Variants in DZIP3 observed in about 807,000 individuals in gnomAD.
DZIP3 encodes E3 ubiquitin-protein ligase DZIP3.
Under a neutral mutation model 162.0 loss-of-function variants are expected in DZIP3, and 118 were observed. That is an observed-to-expected ratio of 0.73 (90% CI 0.63 to 0.85). DZIP3 has a LOEUF of 0.85. Among genes scored for constraint, DZIP3 ranks in the 40% least tolerant of loss-of-function variants. The pLI is 0.00. For synonymous variants in DZIP3, 438 were observed against 458.6 expected, an observed-to-expected ratio of 0.96 and a Z score of 0.57; for missense variants, 1,331 against 1,407.0, an observed-to-expected ratio of 0.95 and a Z score of 0.86.
chr3:108,654,104 T>C (rs764675806), intron 18 of DZIP3, 41 bp from the exon 19 acceptor site: 1 of 1,595,766 alleles, frequency 6.3e-7, no homozygotes, highest in Non-Finnish European at 8.5e-7. Context: ...AAAATTACTA[T>C]ACAATTGTAA....
At chr3:108,660,646 A>G (rs1943377661) in intron 19 of DZIP3, among the ~76,000 whole-genome samples, 1 of 152,190 alleles carries the variant, frequency 6.6e-6, no homozygotes, top group African/African-American at 2.4e-5. Flanking sequence ...ATGGGATCTA[A>G]TTAAACTAAA....
At chr3:108,631,615 A>G in intron 8 of DZIP3, among the ~76,000 whole-genome samples, 1 of 129,628 alleles carries the variant, frequency 7.7e-6, no homozygotes, top group East Asian at 2.2e-4. Context: ...TAGTAAAGAC[A>G]GTCTCAGTAT....
chr3:108,672,582 CAT>C lies in DZIP3; in HGVS notation c.2517_2518del (p.His839GlnfsTer18). Reference sequence around the variant, plus strand: ...CAGATCTCAGTGGGAAATGGAAAAACATAATCTGGAAAGCACAATGAAAACAT... The same window carrying C: ...CAGATCTCAGTGGGAAATGGAAAAACAATCTGGAAAGCACAATGAAAACAT... ...MKRSQWEMEK[H>X]NLESTMKTYV... On this transcript the variant is annotated frameshift_variant, in exon 23 of 33. Transcript: ENST00000361582. LOFTEE classifies it high-confidence loss of function. The C allele has an allele frequency of 1.2e-6, 2 of 1,611,304 alleles. No individual in the cohort carries two copies. Among genetic ancestry groups the C allele is most frequent in the East Asian group, 2.2e-5 (1 of 44,802 alleles).
chr3:108,624,543 G>T lies in DZIP3; in HGVS notation c.456+19G>T, dbSNP rs746340279. 2.9e-6 allele frequency: 4 copies of T among 1,402,010 alleles called. No homozygotes were observed. The highest frequency in any genetic ancestry group is 1.5e-5 in the African/African-American group (1 of 68,582). 86.8% of individuals were successfully genotyped at this position (1,402,010 alleles called of 1,614,324 possible). ...GAAAGAGGTATGTAACATGTTATTT[G>T]CCCTTTATAAATCTTTTTACATCTT... On this transcript the variant is annotated intron_variant, in intron 6 of 32. Transcript: ENST00000361582.
intron 3 of DZIP3, among the ~76,000 whole-genome samples, chr3:108,610,579 T>C (rs1940648765): frequency 6.6e-6 from 1 of 152,212 alleles, no homozygotes. Flanking sequence ...CATAATCATA[T>C]TCCTAGAATT....
At chr3:108,668,971 G>A (rs540036605) in intron 21 of DZIP3, among the ~76,000 whole-genome samples, 8 of 152,070 alleles carry the variant, frequency 5.3e-5, no homozygotes, top group Admixed American at 4.6e-4. Context: ...AAGCTTGCTT[G>A]TGAAAAGAAA....
At chr3:108,689,974 C>T (rs1016190934) in intron 31 of DZIP3, among the ~76,000 whole-genome samples, 3 of 152,144 alleles carry the variant, frequency 2.0e-5, no homozygotes, top group Non-Finnish European at 4.4e-5. Context: ...TGTATTTGCT[C>T]TAATATGAAG....
At position 108,635,112 on chromosome 3, in the gene DZIP3, CCTT is replaced by C. The variant is rs879110248; in HGVS notation, c.918+144_918+146del. ...TCCTTTTTTTCTTTTTCTTTTACTT[CCTT>C]CTTTGTTCTTTCCCAATTCTCTCTG... On this transcript the variant is annotated intron_variant, in intron 10 of 32. Coordinates refer to ENST00000361582, the MANE Select transcript of DZIP3 (RefSeq NM_014648.4). The C allele has an allele frequency of 4.7e-5, 25 of 527,406 alleles. 1 individual carries two copies. In the South Asian group the frequency reaches 7.0e-4, roughly 15 times the overall value. The allele number at this position is 527,406 out of a possible 1,614,324, so 32.7% of individuals were successfully genotyped here. A position where few individuals can be genotyped will look rare whatever the true frequency, so the allele number is the denominator to read the frequency against.
At chr3:108,654,048 T>G in intron 18 of DZIP3, 97 bp from the exon 19 acceptor site, 1 of 1,315,312 alleles carries the variant, frequency 7.6e-7, no homozygotes, top group Non-Finnish European at 1.0e-6. Flanking sequence ...GCTGAGCATC[T>G]TATGAAACCA....
intron 22 of DZIP3, among the ~76,000 whole-genome samples, chr3:108,671,302 A>C (rs139084750): frequency 2.0e-5 from 3 of 152,036 alleles, no homozygotes; most frequent in African/African-American, 7.2e-5. Context: ...AATGTTTGTT[A>C]GGTCCTCAAG....
At chr3:108,644,825 T>A in intron 14 of DZIP3, 44 bp downstream of exon 14, 1 of 1,553,644 alleles carries the variant, frequency 6.4e-7, no homozygotes. Flanking sequence ...TTCCATTGAT[T>A]GAATGTCTGC....
intron 32 of DZIP3, among the ~76,000 whole-genome samples, chr3:108,691,675 A>G (rs1944701185): frequency 6.6e-6 from 1 of 152,176 alleles, no homozygotes; most frequent in Non-Finnish European, 1.5e-5. Flanking sequence ...TGCAGGAGGA[A>G]AGTGAGTGAG....
chr3:108,592,715 A>G (rs1939498016), intron 1 of DZIP3, among the ~76,000 whole-genome samples: 1 of 152,018 alleles, frequency 6.6e-6, no homozygotes, highest in Non-Finnish European at 1.5e-5. Flanking sequence ...CAAAAAAAAA[A>G]AAAAAAAAAA....
chr3:108,591,016 A>G (rs375775392), intron 1 of DZIP3, among the ~76,000 whole-genome samples: 12 of 152,348 alleles, frequency 7.9e-5, no homozygotes, highest in African/African-American at 2.6e-4. Flanking sequence ...AAAGAGAAAA[A>G]TAGACGTTAT....
chr3:108,615,440 T>G (rs925846382), intron 4 of DZIP3, among the ~76,000 whole-genome samples: 15 of 152,200 alleles, frequency 9.9e-5, no homozygotes, highest in African/African-American at 3.6e-4. Context: ...ATGTAGACAC[T>G]ATTTAAAATT....
At chr3:108,687,835 T>C in intron 28 of DZIP3, 141 bp from the exon 29 acceptor site, 1 of 1,082,280 alleles carries the variant, frequency 9.2e-7, no homozygotes, top group Non-Finnish European at 1.3e-6. Flanking sequence ...GATCACTTTT[T>C]TAGATCAAAG....
At position 108,634,091 on chromosome 3, in the gene DZIP3, C is replaced by T. The variant is rs769323768; in HGVS notation, c.817-780C>T. 5.3e-5 allele frequency among the ~76,000 whole-genome samples: 8 copies of T among 151,850 alleles called. No individual in the cohort carries two copies. In the South Asian group the frequency reaches 6.2e-4, roughly 12 times the overall value. On this transcript the variant is annotated intron_variant, in intron 9 of 32. Transcript: ENST00000361582. ...AAAAAAATAACTGATATCTTAATTG[C>T]GAGGCATGATGTGTACAGCCAATCC...
At chr3:108,685,318 C>G (rs556943316) in intron 27 of DZIP3, among the ~76,000 whole-genome samples, 3 of 152,180 alleles carry the variant, frequency 2.0e-5, no homozygotes, top group South Asian at 4.1e-4. Flanking sequence ...CTTTCTGATT[C>G]CTGGGGTAAA....
At position 108,608,167 on chromosome 3, in the gene DZIP3, A is replaced by T; in HGVS notation, c.102+9A>T. 6.2e-7 allele frequency: 1 copy of T among 1,602,508 alleles called. No individual in the cohort carries two copies. Among genetic ancestry groups the T allele is most frequent in the Non-Finnish European group, 8.5e-7 (1 of 1,171,424 alleles). On this transcript the variant is annotated intron_variant, in intron 3 of 32. Transcript: ENST00000361582. ...AATCATCTGGTCAACTGGTAAGAGA[A>T]AGTTTAATTTTCATTAACTGTTAGT...
Sources: allele counts gnomAD v4.1 joint callset (sites outside exome capture counted in the v4.1 genomes callset), GRCh38; gene constraint gnomAD v4.1.1; transcripts MANE v1.5; gene names NCBI Gene and HGNC (gene_info 2026-07-23, HGNC 2026-07-21).